Variants in STK39 observed in about 807,000 individuals in gnomAD.
STK39 encodes the protein serine/threonine kinase 39.
Under a neutral mutation model 77.8 loss-of-function variants are expected in STK39, and 20 were observed. That is an observed-to-expected ratio of 0.26 (90% CI 0.18 to 0.37). STK39 has a LOEUF of 0.37. Ranked by LOEUF, STK39 falls within the 10% of genes least tolerant of loss-of-function variation. The pLI, the probability that STK39 is intolerant of heterozygous loss-of-function variation, is 1.00. For synonymous variants in STK39, 246 were observed against 234.1 expected, an observed-to-expected ratio of 1.05 and a Z score of -0.47; for missense variants, 479 against 656.5, an observed-to-expected ratio of 0.73 and a Z score of 2.95.
intron 10 of STK39, among the ~76,000 whole-genome samples, chr2:168,113,720 CAG>C (rs1272741057): frequency 6.6e-6 from 1 of 152,192 alleles, no homozygotes; most frequent in East Asian, 1.9e-4. Flanking sequence ...ATTAAAAATG[CAG>C]AGTCCTGAAT....
chr2:168,161,907 A>G (rs1042867841), intron 4 of STK39, 65 bp from the exon 5 acceptor site: 92 of 1,234,472 alleles, frequency 7.5e-5, no homozygotes, highest in African/African-American at 2.8e-4. Context: ...TGATTCACTC[A>G]GGAAGATTTT....
At chr2:168,083,078 C>G (rs1241748278) in intron 10 of STK39, among the ~76,000 whole-genome samples, 3 of 152,122 alleles carry the variant, frequency 2.0e-5, no homozygotes, top group Non-Finnish European at 4.4e-5. Context: ...ATAATCCAGC[C>G]CCAAATTATT....
chr2:168,220,311 G>A (rs927443689), intron 1 of STK39, among the ~76,000 whole-genome samples: 2 of 152,100 alleles, frequency 1.3e-5, no homozygotes, highest in Admixed American at 1.3e-4. Flanking sequence ...TGAATATGCT[G>A]TTGGTTTATC....
At chr2:168,213,768 G>T (rs962907164) in intron 1 of STK39, among the ~76,000 whole-genome samples, 4 of 151,612 alleles carry the variant, frequency 2.6e-5, no homozygotes, top group African/African-American at 9.7e-5. Flanking sequence ...ACCTTGGGGG[G>T]AATGTTTATA....
intron 16 of STK39, among the ~76,000 whole-genome samples, chr2:168,000,957 G>T (rs998375800): frequency 6.6e-6 from 1 of 152,086 alleles, no homozygotes; most frequent in Non-Finnish European, 1.5e-5. Context: ...AAAGATTAAG[G>T]CATTAAATCC....
chr2:167,964,771 A>G (rs201600750), intron 16 of STK39, 45 bp from the exon 17 acceptor site: 79 of 1,507,690 alleles, frequency 5.2e-5, no homozygotes, highest in African/African-American at 2.5e-4. Flanking sequence ...ATTATTTCCA[A>G]TAACAGTGGA....
At chr2:168,168,607 A>G (rs921732360) in intron 2 of STK39, among the ~76,000 whole-genome samples, 1 of 152,210 alleles carries the variant, frequency 6.6e-6, no homozygotes, top group Admixed American at 6.5e-5. Context: ...CCTAATCCTC[A>G]TACTACTAAA....
chr2:168,185,220 A>T (rs1689178073), intron 1 of STK39, among the ~76,000 whole-genome samples: 1 of 152,226 alleles, frequency 6.6e-6, no homozygotes, highest in Non-Finnish European at 1.5e-5. Context: ...TTAACATTTT[A>T]TGAATTTCTC....
intron 10 of STK39, among the ~76,000 whole-genome samples, chr2:168,107,672 G>C (rs1298877797): frequency 6.6e-6 from 1 of 152,138 alleles, no homozygotes; most frequent in Non-Finnish European, 1.5e-5. Flanking sequence ...TGCTTCACAG[G>C]TACACTGAAG....
At chr2:168,041,412 T>C (rs1559069580) in intron 14 of STK39, among the ~76,000 whole-genome samples, 1 of 152,182 alleles carries the variant, frequency 6.6e-6, no homozygotes, top group South Asian at 2.1e-4. Context: ...TCTCCTATAC[T>C]GTATGGTTTA....
chr2:168,142,989 G>T (rs1688035071), intron 5 of STK39, among the ~76,000 whole-genome samples: 1 of 152,228 alleles, frequency 6.6e-6, no homozygotes, highest in Admixed American at 6.5e-5. Flanking sequence ...CAAGGTGGCA[G>T]AACTGTAACA....
In STK39 at chr2:167,999,268, T is replaced by C. The variant is rs762396819; in HGVS notation, c.1498+13366A>G. Among the ~76,000 whole-genome samples the C allele has an allele frequency of 3.9e-4, 59 of 152,330 alleles. No individual in the cohort carries two copies. In the Middle Eastern group the frequency reaches 0.017, roughly 44 times the overall value. On this transcript the variant is annotated intron_variant, in intron 16 of 17. Transcript: ENST00000355999. ...ATGAAGACCCCATGTTTTTTCATTA[T>C]TGTCTTTTTTTATAGCACATCATTT...
chr2:168,115,208 T>C (rs1687227474), intron 10 of STK39, among the ~76,000 whole-genome samples: 2 of 152,166 alleles, frequency 1.3e-5, no homozygotes, highest in Admixed American at 1.3e-4. Flanking sequence ...ATAAAGTAAA[T>C]GTTCATGGAT....
At chr2:168,053,511 T>C (rs1242435599) in intron 14 of STK39, among the ~76,000 whole-genome samples, 3 of 152,222 alleles carry the variant, frequency 2.0e-5, no homozygotes, top group African/African-American at 7.2e-5. Context: ...TTATGTTGAC[T>C]TTCTGAATTT....
intron 10 of STK39, among the ~76,000 whole-genome samples, chr2:168,100,114 T>C (rs1219742806): frequency 2.6e-5 from 4 of 152,240 alleles, no homozygotes; most frequent in Non-Finnish European, 4.4e-5. Context: ...CAATTTTTCA[T>C]ACAGTTTATC....
intron 14 of STK39, among the ~76,000 whole-genome samples, chr2:168,019,316 T>G (rs970877231): frequency 1.3e-5 from 2 of 152,196 alleles, no homozygotes; most frequent in Non-Finnish European, 2.9e-5. Flanking sequence ...CACATATCCT[T>G]TATGCCATTA....
intron 14 of STK39, among the ~76,000 whole-genome samples, chr2:168,059,353 T>A (rs966812290): frequency 1.3e-5 from 2 of 152,172 alleles, no homozygotes; most frequent in African/African-American, 4.8e-5. Flanking sequence ...AAGTTCCAAA[T>A]CAGTTTGATT....
At chr2:168,023,841 T>C (rs1212919477) in intron 14 of STK39, among the ~76,000 whole-genome samples, 3 of 152,172 alleles carry the variant, frequency 2.0e-5, no homozygotes, top group Non-Finnish European at 2.9e-5. Context: ...CAAGGGTCTC[T>C]GTAAGAGTGC....
intron 17 of STK39, among the ~76,000 whole-genome samples, chr2:167,956,293 T>A (rs1217460764): frequency 2.6e-5 from 4 of 152,246 alleles, no homozygotes; most frequent in African/African-American, 9.6e-5. Context: ...GCATGGCGGC[T>A]CACGCCTGTA....
Sources: allele counts gnomAD v4.1 joint callset (sites outside exome capture counted in the v4.1 genomes callset), GRCh38; gene constraint gnomAD v4.1.1; transcripts MANE v1.5; gene names NCBI Gene and HGNC (gene_info 2026-07-23, HGNC 2026-07-21).